The following PLCL1 variants were observed in gnomAD, a reference collection of about 807,000 sequenced individuals.
PLCL1 encodes the protein inactive phospholipase C-like protein 1.
PLCL1 carries 41 observed loss-of-function variants against 84.4 expected under a neutral mutation model. The ratio of observed to expected loss-of-function variants is 0.49; its 90% CI spans 0.38 to 0.63. PLCL1 has a LOEUF of 0.63. PLCL1 is among the 30% of genes least tolerant of loss of function. PLCL1 has a pLI of 0.00. For missense variants in PLCL1, 1,206 were observed against 1,367.8 expected (o/e 0.88, Z 1.87); for synonymous variants, 490 against 488.3 (o/e 1.00, Z -0.05).
chr2:198,041,807 T>C (rs1369030043), intron 1 of PLCL1, among the ~76,000 whole-genome samples: 1 of 152,136 alleles, frequency 6.6e-6, no homozygotes, highest in Non-Finnish European at 1.5e-5. Flanking sequence ...GGAGAGAATA[T>C]TCTAGGTGAA....
At chr2:198,055,471 G>A (rs760880696) in intron 1 of PLCL1, among the ~76,000 whole-genome samples, 3 of 149,986 alleles carry the variant, frequency 2.0e-5, no homozygotes, top group Non-Finnish European at 4.4e-5. Flanking sequence ...ATTGATTCAT[G>A]TGAATCTTAA....
At chr2:198,012,239 G>C (rs1392580173) in intron 1 of PLCL1, among the ~76,000 whole-genome samples, 2 of 152,092 alleles carry the variant, frequency 1.3e-5, no homozygotes, top group Non-Finnish European at 2.9e-5. Flanking sequence ...GTATACCCAG[G>C]GGCAATGGGG....
intron 1 of PLCL1, among the ~76,000 whole-genome samples, chr2:197,935,034 G>A (rs1689022115): frequency 6.6e-6 from 1 of 152,138 alleles, no homozygotes; most frequent in Non-Finnish European, 1.5e-5. Flanking sequence ...ATGAAAAAAT[G>A]CTCAACATCA....
intron 1 of PLCL1, among the ~76,000 whole-genome samples, chr2:198,003,152 C>T (rs576044726): frequency 6.6e-6 from 1 of 152,070 alleles, no homozygotes; most frequent in African/African-American, 2.4e-5. Context: ...AAAACTTTAG[C>T]AATCACAATT....
chr2:197,838,717 C>T (rs566120907), intron 1 of PLCL1, among the ~76,000 whole-genome samples: 10 of 152,246 alleles, frequency 6.6e-5, no homozygotes, highest in Non-Finnish European at 1.5e-4. Flanking sequence ...TGGAGCTCCT[C>T]GATACACTTC....
intron 1 of PLCL1, among the ~76,000 whole-genome samples, chr2:197,898,005 A>G (rs978000995): frequency 1.5e-4 from 23 of 152,344 alleles, no homozygotes; most frequent in African/African-American, 5.5e-4. Context: ...TATTATAGTA[A>G]TAAGTTCCAC....
chr2:197,903,959 C>A (rs1326190414), intron 1 of PLCL1, among the ~76,000 whole-genome samples: 1 of 151,612 alleles, frequency 6.6e-6, no homozygotes, highest in Non-Finnish European at 1.5e-5. Flanking sequence ...TGTACCACCA[C>A]ACCCAACTAA....
chr2:198,105,610 G>GTGTGTA (rs1197845772), intron 5 of PLCL1, among the ~76,000 whole-genome samples: 3 of 149,312 alleles, frequency 2.0e-5, no homozygotes, highest in Non-Finnish European at 4.5e-5. Flanking sequence ...TGGTGTGTGT[G>GTGTGTA]TGTGTGTGTG....
At chr2:198,033,643 C>A (rs567382117) in intron 1 of PLCL1, among the ~76,000 whole-genome samples, 1 of 152,168 alleles carries the variant, frequency 6.6e-6, no homozygotes, top group Non-Finnish European at 1.5e-5. Flanking sequence ...TGACTGTAAC[C>A]CTTTATCCAA....
At chr2:197,897,571 GA>G (rs578161096) in intron 1 of PLCL1, among the ~76,000 whole-genome samples, 3 of 151,746 alleles carry the variant, frequency 2.0e-5, no homozygotes, top group African/African-American at 7.3e-5. Flanking sequence ...CATTAAATGA[GA>G]AAAAAACAAA....
intron 1 of PLCL1, among the ~76,000 whole-genome samples, chr2:197,919,627 A>T (rs1475960190): frequency 6.6e-6 from 1 of 152,220 alleles, no homozygotes; most frequent in East Asian, 1.9e-4. Flanking sequence ...AGTTAGGCAT[A>T]TGACTTGTAA....
chr2:198,121,076 T>C (rs185628806), intron 5 of PLCL1, among the ~76,000 whole-genome samples: 1 of 152,240 alleles, frequency 6.6e-6, no homozygotes, highest in East Asian at 1.9e-4. Context: ...TCAGTGTTGT[T>C]GAATACCTTT....
At chr2:197,813,150 A>G (rs1457850998) in intron 1 of PLCL1, among the ~76,000 whole-genome samples, 1 of 152,174 alleles carries the variant, frequency 6.6e-6, no homozygotes, top group East Asian at 1.9e-4. Context: ...CTGGTTCAGG[A>G]AAAGGGTAAT....
rs13426294 is a variant in PLCL1 at position 197,852,843 on chromosome 2, G to C, written c.240+47504G>C. Among the ~76,000 whole-genome samples the C allele has an allele frequency of 2.0e-5, 3 of 152,150 alleles. No homozygotes were observed. In the East Asian group the frequency reaches 5.8e-4, roughly 29 times the overall value. Reference sequence around the variant, plus strand: ...ACATCTATAATATGTATCTATGTCTGTCTATCTGTATAAATTTTGTTTTAT... The same window carrying C: ...ACATCTATAATATGTATCTATGTCTCTCTATCTGTATAAATTTTGTTTTAT... On this transcript the variant is annotated intron_variant, in intron 1 of 5. Coordinates refer to ENST00000428675, the MANE Select transcript of PLCL1 (RefSeq NM_006226.4).
chr2:197,998,333 A>G (rs1412906499), intron 1 of PLCL1, among the ~76,000 whole-genome samples: 1 of 151,990 alleles, frequency 6.6e-6, no homozygotes, highest in Non-Finnish European at 1.5e-5. Flanking sequence ...CGAATGCAAT[A>G]TTCTCAACTA....
intron 1 of PLCL1, among the ~76,000 whole-genome samples, chr2:197,990,097 AG>A (rs1047394652): frequency 6.6e-6 from 1 of 152,152 alleles, no homozygotes; most frequent in African/African-American, 2.4e-5. Flanking sequence ...CTCATGTTAC[AG>A]GGCGCTGCTC....
In PLCL1 at chr2:197,822,709, T is replaced by C. The variant is rs114234994; in HGVS notation, c.240+17370T>C. Among the ~76,000 whole-genome samples, 1,204 of 152,316 alleles carry C rather than the reference T, an allele frequency of 7.9e-3. 17 individuals are homozygous for C. The highest frequency in any genetic ancestry group is 0.028 in the African/African-American group (1,155 of 41,572). ...CATGTTCTGATTTGTCAGTGTTTCATTTGAAATGGTGTTCCTAGGCCTCAA... is the reference window on the plus strand; with the variant it reads ...CATGTTCTGATTTGTCAGTGTTTCACTTGAAATGGTGTTCCTAGGCCTCAA... On this transcript the variant is annotated intron_variant, in intron 1 of 5. Transcript: ENST00000428675.
chr2:197,970,704 C>A (rs370214656), intron 1 of PLCL1, among the ~76,000 whole-genome samples: 1 of 152,180 alleles, frequency 6.6e-6, no homozygotes, highest in South Asian at 2.1e-4. Flanking sequence ...CTGCACTGAA[C>A]TACAAGCTTA....
At chr2:197,959,950 C>T (rs1689576607) in intron 1 of PLCL1, among the ~76,000 whole-genome samples, 1 of 152,002 alleles carries the variant, frequency 6.6e-6, no homozygotes, top group African/African-American at 2.4e-5. Flanking sequence ...TCCATAGCTA[C>T]TAAACATCTG....
Sources: gnomAD v4.1 joint callset for allele counts (sites outside exome capture counted in the v4.1 genomes callset) on GRCh38, gnomAD v4.1.1 for gene constraint, MANE v1.5 for transcripts, NCBI Gene and HGNC (gene_info 2026-07-23, HGNC 2026-07-21) for gene names.